MED12L: variants seen among roughly 807,000 people sequenced by gnomAD.
MED12L encodes the protein mediator complex subunit 12L.
Under a neutral mutation model 281.3 loss-of-function variants are expected in MED12L, and 60 were observed. That is an observed-to-expected ratio of 0.21 (90% CI 0.17 to 0.26). MED12L has a LOEUF of 0.26. MED12L is among the 10% of genes least tolerant of loss of function. The probability of loss-of-function intolerance (pLI) is 1.00; values close to 1 mark genes in which losing one functional copy is unlikely to be tolerated. For synonymous variants in MED12L, 974 were observed against 987.2 expected (o/e 0.99, Z 0.25); for missense variants, 2,146 against 2,680.9 (o/e 0.80, Z 4.41).
chr3:151,137,648 A>G (rs1316550234), intron 5 of MED12L, among the ~76,000 whole-genome samples: 2 of 152,042 alleles, frequency 1.3e-5, no homozygotes, highest in African/African-American at 4.8e-5. Flanking sequence ...AACAAGAAAG[A>G]GTTTTTAGTA....
intron 17 of MED12L, among the ~76,000 whole-genome samples, chr3:151,352,942 A>G (rs1753423429): frequency 6.6e-6 from 1 of 152,244 alleles, no homozygotes; most frequent in Admixed American, 6.5e-5. Flanking sequence ...GAGGAAAAAT[A>G]TATATTGACT....
intron 41 of MED12L, 74 bp downstream of exon 41, chr3:151,411,581 A>T (rs1340977576): frequency 1.8e-5 from 23 of 1,293,146 alleles, no homozygotes; most frequent in Non-Finnish European, 2.4e-5. Flanking sequence ...CTTATAGGGC[A>T]TGGTACTTTA....
In MED12L at chr3:151,408,491, G is replaced by C. The variant is rs61685646; in HGVS notation, c.5821-752G>C. Among the ~76,000 whole-genome samples, 581 of 151,880 alleles carry C rather than the reference G, an allele frequency of 3.8e-3. 3 individuals are homozygous for C. The highest frequency in any genetic ancestry group is 0.013 in the African/African-American group (556 of 41,400). ...ATCAGTAAGTCCTGAAAAAAAAACAGAGTGGTAGGAAACTAGGATTATTTT... is the reference window on the plus strand; with the variant it reads ...ATCAGTAAGTCCTGAAAAAAAAACACAGTGGTAGGAAACTAGGATTATTTT... On this transcript the variant is annotated intron_variant, in intron 39 of 44. Coordinates refer to ENST00000687756, the MANE Select transcript of MED12L (RefSeq NM_001393769.1).
intron 16 of MED12L, among the ~76,000 whole-genome samples, chr3:151,317,135 T>C (rs549022259): frequency 6.6e-6 from 1 of 152,262 alleles, no homozygotes; most frequent in East Asian, 1.9e-4. Flanking sequence ...AATAAGAATA[T>C]GCTTTATGAC....
chr3:151,405,464 A>G (rs980953004), intron 39 of MED12L, among the ~76,000 whole-genome samples: 7 of 152,170 alleles, frequency 4.6e-5, no homozygotes, highest in Non-Finnish European at 8.8e-5. Context: ...AGACACAAAT[A>G]TGCCACCAAA....
chr3:151,114,040 C>T (rs948173034), intron 2 of MED12L, among the ~76,000 whole-genome samples: 1 of 152,174 alleles, frequency 6.6e-6, no homozygotes, highest in Non-Finnish European at 1.5e-5. Flanking sequence ...CCTACTTTCC[C>T]CCTGAGCTCA....
intron 21 of MED12L, among the ~76,000 whole-genome samples, chr3:151,364,397 T>G (rs1208933713): frequency 6.6e-6 from 1 of 152,140 alleles, no homozygotes; most frequent in Non-Finnish European, 1.5e-5. Context: ...ATATAATAGT[T>G]TTTTCACTTC....
chr3:151,285,902 C>T (rs1218429455), intron 16 of MED12L, among the ~76,000 whole-genome samples: 1 of 152,128 alleles, frequency 6.6e-6, no homozygotes, highest in African/African-American at 2.4e-5. Context: ...AATCCGTTGG[C>T]TCCTTGATCT....
intron 39 of MED12L, among the ~76,000 whole-genome samples, chr3:151,407,047 C>T (rs140914676): frequency 8.5e-5 from 13 of 152,218 alleles, no homozygotes; most frequent in Admixed American, 6.5e-4. Flanking sequence ...GTGATTCACC[C>T]GCCTCGGCCT....
intron 32 of MED12L, among the ~76,000 whole-genome samples, chr3:151,381,929 T>C (rs1262218594): frequency 6.6e-6 from 1 of 152,208 alleles, no homozygotes; most frequent in African/African-American, 2.4e-5. Context: ...ATGACTCTCA[T>C]TAATGACCAT....
chr3:151,257,138 T>C (rs1420965488), intron 16 of MED12L, among the ~76,000 whole-genome samples: 2 of 152,222 alleles, frequency 1.3e-5, no homozygotes, highest in Non-Finnish European at 1.5e-5. Context: ...TGTTAAGTTT[T>C]CTAGAACCAT....
intron 39 of MED12L, among the ~76,000 whole-genome samples, chr3:151,396,701 T>G (rs1179997668): frequency 1.3e-5 from 2 of 152,226 alleles, no homozygotes; most frequent in African/African-American, 4.8e-5. Context: ...ATCTACCTTT[T>G]TATCACAAGG....
In MED12L at chr3:151,158,809, A is replaced by G. The variant is rs755713449; in HGVS notation, c.837+10A>G. On this transcript the variant is annotated intron_variant, in intron 7 of 44. Transcript: ENST00000687756. ...ACCACTAATGCTGCAGGTATAGTAC[A>G]TGTCCCCTTGAGGCAGTTGGTTTTA... is the stretch of plus-strand genomic sequence containing the variant. 3.8e-6 allele frequency: 6 copies of G among 1,573,044 alleles called. No individual in the cohort carries two copies. Among genetic ancestry groups the G allele is most frequent in the Non-Finnish European group, 5.2e-6 (6 of 1,143,932 alleles).
chr3:151,412,434 A>G (rs1309034124), intron 41 of MED12L, among the ~76,000 whole-genome samples: 3 of 152,212 alleles, frequency 2.0e-5, no homozygotes, highest in Non-Finnish European at 2.9e-5. Context: ...GTTCTGTTGG[A>G]TAGTACTGTC....
intron 6 of MED12L, among the ~76,000 whole-genome samples, chr3:151,157,656 C>A (rs369337483): frequency 2.0e-5 from 3 of 152,178 alleles, no homozygotes; most frequent in South Asian, 4.1e-4. Context: ...TGACTGTAAA[C>A]ATTTTAAAAA....
At chr3:151,131,971 A>G (rs1715466380) in intron 5 of MED12L, among the ~76,000 whole-genome samples, 1 of 152,170 alleles carries the variant, frequency 6.6e-6, no homozygotes, top group African/African-American at 2.4e-5. Flanking sequence ...CAGATAACAT[A>G]CGATTCTGTT....
At chr3:151,280,172 T>G (rs888058423) in intron 16 of MED12L, among the ~76,000 whole-genome samples, 17 of 152,166 alleles carry the variant, frequency 1.1e-4, no homozygotes, top group African/African-American at 3.9e-4. Flanking sequence ...TGGGTTGGAC[T>G]CTGTGTAAGA....
chr3:151,181,630 G>T (rs1369025347), intron 11 of MED12L, among the ~76,000 whole-genome samples: 1 of 145,810 alleles, frequency 6.9e-6, no homozygotes, highest in Non-Finnish European at 1.5e-5. Flanking sequence ...CTGCTGCCCA[G>T]GCTGGAGTGC....
Position 151,435,562 on chromosome 3 carries a change from T to A in MED12L, c.*2758T>A, listed in dbSNP as rs994291641. 1.3e-5 allele frequency: 2 copies of A among 152,214 alleles called. No homozygotes were observed. The highest frequency in any genetic ancestry group is 4.8e-5 in the African/African-American group (2 of 41,452). The allele number at this position is 152,214 out of a possible 1,614,324, so 9.4% of individuals were successfully genotyped here. A position where few individuals can be genotyped will look rare whatever the true frequency, so the allele number is the denominator to read the frequency against. On this transcript the variant is annotated 3_prime_UTR_variant, in exon 45 of 45. Transcript: ENST00000687756. ...CTAACTTATTAGTAATTCTCGGTTT[T>A]GTGCACTGAGATATCTAAGACCTAT...
Sources: gnomAD v4.1 joint callset for allele counts (sites outside exome capture counted in the v4.1 genomes callset) on GRCh38, gnomAD v4.1.1 for gene constraint, MANE v1.5 for transcripts, NCBI Gene and HGNC (gene_info 2026-07-23, HGNC 2026-07-21) for gene names.